The following UNC13C variants were observed in gnomAD, a reference collection of about 807,000 sequenced individuals.
UNC13C encodes the protein protein unc-13 homolog C.
In UNC13C, 174 loss-of-function variants were observed where a neutral mutation model predicts 245.4. That is an observed-to-expected ratio of 0.71 (90% CI 0.63 to 0.80). UNC13C has a LOEUF of 0.80. UNC13C is among the 30% of genes least tolerant of loss of function. The pLI is 0.00. For synonymous variants in UNC13C, 992 were observed against 895.1 expected (o/e 1.11, Z -1.93); for missense variants, 2,829 against 2,602.9 (o/e 1.09, Z -1.89).
In UNC13C at chr15:54,305,337, T is replaced by G. The variant is rs150018472; in HGVS notation, c.4268+4964T>G. On this transcript the variant is annotated intron_variant, in intron 13 of 32. Transcript: ENST00000260323. ...AAGGGTGAGAGCACACTACATTGAT[T>G]GATCGTTTTTAAAAATTTGAGGAAG... Among the ~76,000 whole-genome samples, 536 of 152,192 alleles carry G rather than the reference T, an allele frequency of 3.5e-3. 1 individual carries two copies. Among genetic ancestry groups the G allele is most frequent in the Non-Finnish European group, 5.9e-3 (400 of 67,988 alleles).
At chr15:54,077,116 T>C (rs1054417407) in intron 2 of UNC13C, among the ~76,000 whole-genome samples, 2 of 152,094 alleles carry the variant, frequency 1.3e-5, no homozygotes, top group Non-Finnish European at 2.9e-5. Context: ...GTGAAGGCTA[T>C]GAGTCTCTTT....
chr15:53,938,637 A>G, the UNC13C span, among the ~76,000 whole-genome samples: 828 of 152,294 alleles, frequency 5.4e-3, 10 homozygotes, highest in African/African-American at 0.019. Context: ...AATGCAAAAG[A>G]ACTGAAATCA....
At chr15:54,502,827 G>A (rs1221829113) in intron 22 of UNC13C, among the ~76,000 whole-genome samples, 1 of 152,078 alleles carries the variant, frequency 6.6e-6, no homozygotes, top group Non-Finnish European at 1.5e-5. Flanking sequence ...AGGCAGGTAG[G>A]TTATGTAAGT....
chr15:54,375,100 TC>T, intron 17 of UNC13C, among the ~76,000 whole-genome samples: 1 of 152,304 alleles, frequency 6.6e-6, no homozygotes, highest in African/African-American at 2.4e-5. Flanking sequence ...TGCAAGAATT[TC>T]TGTAAGATAT....
At chr15:54,585,254 C>A (rs909624461) in intron 30 of UNC13C, among the ~76,000 whole-genome samples, 3 of 152,148 alleles carry the variant, frequency 2.0e-5, no homozygotes, top group African/African-American at 7.2e-5. Context: ...GTACCCTCCT[C>A]ATGGTAATGG....
At chr15:54,359,061 C>T (rs1007042780) in intron 17 of UNC13C, among the ~76,000 whole-genome samples, 2 of 151,542 alleles carry the variant, frequency 1.3e-5, no homozygotes, top group African/African-American at 4.8e-5. Context: ...TTTTCTGTGT[C>T]TACTGAAATA....
the UNC13C span, among the ~76,000 whole-genome samples, chr15:53,876,310 A>G: frequency 1.3e-5 from 2 of 152,150 alleles, no homozygotes; most frequent in East Asian, 3.9e-4. Context: ...TATTTCAGGG[A>G]GGCACCTGCT....
chr15:54,298,244 T>C (rs1391964621), intron 12 of UNC13C, among the ~76,000 whole-genome samples: 1 of 152,162 alleles, frequency 6.6e-6, no homozygotes, highest in Non-Finnish European at 1.5e-5. Context: ...AAATATTGAT[T>C]GAAGAAATGA....
intron 2 of UNC13C, among the ~76,000 whole-genome samples, chr15:54,104,251 G>C (rs567186507): frequency 6.6e-6 from 1 of 151,942 alleles, no homozygotes; most frequent in Non-Finnish European, 1.5e-5. Context: ...TATCTTTTCC[G>C]GTTTATCTTT....
intron 10 of UNC13C, among the ~76,000 whole-genome samples, chr15:54,291,013 C>G (rs1254881868): frequency 3.3e-5 from 5 of 152,006 alleles, no homozygotes; most frequent in Admixed American, 3.3e-4. Context: ...CTCTAAAATG[C>G]CTTCTATCTT....
intron 22 of UNC13C, among the ~76,000 whole-genome samples, chr15:54,503,434 CT>C (rs35100602): frequency 0.68 from 92,802 of 136,474 alleles, 30,752 homozygotes; most frequent in Middle Eastern, 0.8. Context: ...TCAGCCTTTC[CT>C]TTTTTTTTTT....
chr15:53,877,451 G>A, the UNC13C span, among the ~76,000 whole-genome samples: 2 of 152,128 alleles, frequency 1.3e-5, no homozygotes, highest in Admixed American at 1.3e-4. Context: ...GGTTAATCCA[G>A]CCAAAACCTA....
At chr15:54,053,643 C>T (rs1897369478) in intron 2 of UNC13C, among the ~76,000 whole-genome samples, 1 of 152,108 alleles carries the variant, frequency 6.6e-6, no homozygotes, top group African/African-American at 2.4e-5. Context: ...TACAAACAAT[C>T]CAATTATACT....
At chr15:53,910,118 C>CT in the UNC13C span, among the ~76,000 whole-genome samples, 8,682 of 140,620 alleles carry the variant, frequency 0.062, 1,266 homozygotes, top group Middle Eastern at 0.17. Flanking sequence ...GAATTAAAAA[C>CT]TTTTTTTTTT....
chr15:54,194,701 T>C (rs1371919668), intron 4 of UNC13C, among the ~76,000 whole-genome samples: 1 of 151,942 alleles, frequency 6.6e-6, no homozygotes. Context: ...GGGTATGAAG[T>C]TGAAATGGAG....
intron 2 of UNC13C, among the ~76,000 whole-genome samples, chr15:54,118,234 A>G (rs539976418): frequency 1.3e-5 from 2 of 151,926 alleles, no homozygotes; most frequent in African/African-American, 4.8e-5. Context: ...TAATCTGTGG[A>G]TTTCTTTGGG....
intron 10 of UNC13C, among the ~76,000 whole-genome samples, chr15:54,265,786 C>T (rs1340385652): frequency 6.6e-6 from 1 of 151,926 alleles, no homozygotes; most frequent in Admixed American, 6.6e-5. Flanking sequence ...TGATCTATAA[C>T]TTGCGATGAC....
chr15:54,408,012 G>T (rs575192726), intron 18 of UNC13C, among the ~76,000 whole-genome samples: 89 of 151,586 alleles, frequency 5.9e-4, no homozygotes, highest in Admixed American at 1.7e-3. Context: ...CCATCCTGGT[G>T]AACACGGTGA....
At chr15:53,893,374 T>C in the UNC13C span, among the ~76,000 whole-genome samples, 1 of 152,168 alleles carries the variant, frequency 6.6e-6, no homozygotes, top group Non-Finnish European at 1.5e-5. Context: ...TAACAGAGCT[T>C]GAATGCTGTG....
Sources: allele counts gnomAD v4.1 joint callset (sites outside exome capture counted in the v4.1 genomes callset), GRCh38; gene constraint gnomAD v4.1.1; transcripts MANE v1.5; gene names NCBI Gene and HGNC (gene_info 2026-07-23, HGNC 2026-07-21).